The following CAMK1D variants were observed in gnomAD, a reference collection of about 807,000 sequenced individuals.
CAMK1D encodes calcium/calmodulin-dependent protein kinase type 1D.
A neutral mutation model predicts 47.7 loss-of-function variants in CAMK1D; 9 were observed. That is an observed-to-expected ratio of 0.19 (90% CI 0.11 to 0.33). The LOEUF is 0.33. Among genes scored for constraint, CAMK1D ranks in the 10% least tolerant of loss-of-function variants. The pLI, the probability that CAMK1D is intolerant of heterozygous loss-of-function variation, is 1.00. For missense variants in CAMK1D, 291 were observed against 488.7 expected, an observed-to-expected ratio of 0.60 and a Z score of 3.81; for synonymous variants, 184 against 184.9, an observed-to-expected ratio of 0.99 and a Z score of 0.04.
chr10:12,718,977 A>G (rs1367722717), intron 3 of CAMK1D, among the ~76,000 whole-genome samples: 5 of 151,694 alleles, frequency 3.3e-5, no homozygotes, highest in Admixed American at 3.3e-4. Flanking sequence ...CATAGACCCC[A>G]CTCTTGGGCA....
At chr10:12,592,659 C>T (rs1588669271) in intron 2 of CAMK1D, among the ~76,000 whole-genome samples, 1 of 152,182 alleles carries the variant, frequency 6.6e-6, no homozygotes, top group East Asian at 1.9e-4. Context: ...AATCACAAGT[C>T]TCTTTGGTAT....
chr10:12,377,267 A>G, intron 1 of CAMK1D, among the ~76,000 whole-genome samples: 1 of 152,256 alleles, frequency 6.6e-6, no homozygotes, highest in East Asian at 1.9e-4. Context: ...AACTTTTAAA[A>G]AAAGTGTATG....
rs184413477 is a variant in CAMK1D at position 12,698,580 on chromosome 10, C to T, written c.299+31770C>T. On this transcript the variant is annotated intron_variant, in intron 3 of 10. Transcript: ENST00000619168. ...AAGTGCTGATAGCAACCATTTAGTT[C>T]ATCCCTAAAGAACTGAGGGTCCTGG... Among the ~76,000 whole-genome samples the T allele has an allele frequency of 1.2e-4, 18 of 152,008 alleles. 1 individual carries two copies. In the East Asian group the frequency reaches 1.5e-3, roughly 13 times the overall value.
chr10:12,792,695 G>A (rs544021686), intron 6 of CAMK1D, among the ~76,000 whole-genome samples: 2 of 152,358 alleles, frequency 1.3e-5, no homozygotes, highest in South Asian at 4.1e-4. Flanking sequence ...TTAGGTAACA[G>A]TGCCTGTAGA....
intron 3 of CAMK1D, among the ~76,000 whole-genome samples, chr10:12,709,238 G>T (rs1316467292): frequency 6.6e-6 from 1 of 152,292 alleles, no homozygotes; most frequent in Admixed American, 6.5e-5. Context: ...AAAAGGCCTT[G>T]TGGGCTTGTA....
At chr10:12,528,893 C>T (rs954468449) in intron 1 of CAMK1D, among the ~76,000 whole-genome samples, 9 of 152,094 alleles carry the variant, frequency 5.9e-5, no homozygotes, top group Admixed American at 3.3e-4. Context: ...AGGTGCATGC[C>T]GTTACACCTG....
chr10:12,643,774 C>G (rs1424543358), intron 2 of CAMK1D, among the ~76,000 whole-genome samples: 2 of 151,932 alleles, frequency 1.3e-5, no homozygotes, highest in Non-Finnish European at 2.9e-5. Context: ...ATCCCAGCTA[C>G]TCAGGTGGCT....
In CAMK1D at chr10:12,539,069, C is replaced by T. The variant is rs532072427; in HGVS notation, c.93-14156C>T. Among the ~76,000 whole-genome samples the T allele has an allele frequency of 2.1e-4, 32 of 152,132 alleles. 1 individual carries two copies. The highest frequency in any genetic ancestry group is 8.3e-4 in the South Asian group (4 of 4,814). On this transcript the variant is annotated intron_variant, in intron 1 of 10. Transcript: ENST00000619168. Reference sequence around the variant, plus strand: ...GGCATGAGCCACCACGCCTGGCCTCCGTCGTATTTTTAGATTGTAACTTAC... The same window carrying T: ...GGCATGAGCCACCACGCCTGGCCTCTGTCGTATTTTTAGATTGTAACTTAC...
chr10:12,692,763 G>A (rs1033146270), intron 3 of CAMK1D, among the ~76,000 whole-genome samples: 12 of 152,210 alleles, frequency 7.9e-5, no homozygotes, highest in Admixed American at 5.9e-4. Flanking sequence ...AAGTAGGAAA[G>A]TCAGACAAAG....
chr10:12,646,376 T>C (rs1277825622), intron 2 of CAMK1D, among the ~76,000 whole-genome samples: 1 of 152,178 alleles, frequency 6.6e-6, no homozygotes, highest in Non-Finnish European at 1.5e-5. Context: ...ATTACAGAAA[T>C]AGTAAACGTT....
At chr10:12,613,440 C>G (rs926129654) in intron 2 of CAMK1D, among the ~76,000 whole-genome samples, 1 of 152,226 alleles carries the variant, frequency 6.6e-6, no homozygotes, top group African/African-American at 2.4e-5. Flanking sequence ...GTGAAGCAGC[C>G]TTGTAAACTA....
At chr10:12,592,728 A>G (rs1181318958) in intron 2 of CAMK1D, among the ~76,000 whole-genome samples, 3 of 152,224 alleles carry the variant, frequency 2.0e-5, no homozygotes, top group Non-Finnish European at 4.4e-5. Flanking sequence ...TAATTGTTCA[A>G]TGCCAGCCTA....
At chr10:12,612,815 A>T (rs1838670213) in intron 2 of CAMK1D, among the ~76,000 whole-genome samples, 1 of 152,190 alleles carries the variant, frequency 6.6e-6, no homozygotes. Context: ...TGACAGCATA[A>T]AATTGTAATA....
intron 6 of CAMK1D, among the ~76,000 whole-genome samples, chr10:12,797,356 C>G (rs1009517214): frequency 2.0e-5 from 3 of 152,032 alleles, no homozygotes; most frequent in Non-Finnish European, 4.4e-5. Context: ...TGCCACTATG[C>G]CCAGCTAATT....
chr10:12,593,531 G>C (rs1269714818), intron 2 of CAMK1D, among the ~76,000 whole-genome samples: 1 of 152,026 alleles, frequency 6.6e-6, no homozygotes, highest in African/African-American at 2.4e-5. Flanking sequence ...CGGAGGTTGC[G>C]ATGAGCCAAG....
chr10:12,687,260 T>C (rs887308511), intron 3 of CAMK1D, among the ~76,000 whole-genome samples: 1 of 151,820 alleles, frequency 6.6e-6, no homozygotes, highest in African/African-American at 2.4e-5. Flanking sequence ...TTTGATTTAT[T>C]GATACTATGC....
At chr10:12,810,843 T>G (rs1225735422) in intron 6 of CAMK1D, among the ~76,000 whole-genome samples, 1 of 152,246 alleles carries the variant, frequency 6.6e-6, no homozygotes, top group African/African-American at 2.4e-5. Flanking sequence ...GTTGGTTTCT[T>G]TGCCTTTAAA....
chr10:12,732,449 G>A (rs891994350), intron 3 of CAMK1D, among the ~76,000 whole-genome samples: 3 of 152,100 alleles, frequency 2.0e-5, no homozygotes, highest in African/African-American at 7.2e-5. Flanking sequence ...TCCAAGACTG[G>A]GAGGAAAAAG....
intron 1 of CAMK1D, among the ~76,000 whole-genome samples, chr10:12,475,108 A>G (rs902250473): frequency 6.6e-6 from 1 of 152,150 alleles, no homozygotes; most frequent in Non-Finnish European, 1.5e-5. Flanking sequence ...TCCTTTGGGT[A>G]TATACCTAGT....
Sources: gnomAD v4.1 joint callset for allele counts (sites outside exome capture counted in the v4.1 genomes callset) on GRCh38, gnomAD v4.1.1 for gene constraint, MANE v1.5 for transcripts, NCBI Gene and HGNC (gene_info 2026-07-23, HGNC 2026-07-21) for gene names.